The following DNAH11 variants were observed in gnomAD, a reference collection of about 807,000 sequenced individuals.
DNAH11 encodes the protein dynein axonemal heavy chain 11, also known as axonemal beta dynein heavy chain 11.
DNAH11 carries 442 observed loss-of-function variants against 526.0 expected under a neutral mutation model. That is an observed-to-expected ratio of 0.84 (90% CI 0.78 to 0.91). The LOEUF (loss-of-function observed/expected upper bound fraction) is 0.91. Among genes scored for constraint, DNAH11 ranks in the 40% least tolerant of loss-of-function variants. The probability of loss-of-function intolerance (pLI) is 0.00; values close to 1 mark genes in which losing one functional copy is unlikely to be tolerated. For synonymous variants in DNAH11, 2,461 were observed against 1,935.9 expected (o/e 1.27, Z -7.12); for missense variants, 6,989 against 5,448.7 (o/e 1.28, Z -8.90).
At chr7:21,862,619 G>C (rs939146810) in intron 69 of DNAH11, among the ~76,000 whole-genome samples, 2 of 152,094 alleles carry the variant, frequency 1.3e-5, no homozygotes, top group Non-Finnish European at 2.9e-5. Flanking sequence ...GCATCACAGT[G>C]TGCCACTTAA....
chr7:21,802,963 T>A (rs937792387), intron 62 of DNAH11, among the ~76,000 whole-genome samples: 1 of 146,886 alleles, frequency 6.8e-6, no homozygotes, highest in South Asian at 2.1e-4. Flanking sequence ...ATATATATAA[T>A]GTAGTAAAAA....
chr7:21,700,981 A>G (rs1231788389), intron 36 of DNAH11, among the ~76,000 whole-genome samples: 1 of 152,154 alleles, frequency 6.6e-6, no homozygotes, highest in Non-Finnish European at 1.5e-5. Flanking sequence ...TAGGGGAGGG[A>G]TAGCATTAGA....
At chr7:21,810,802 A>G (rs780900267) in intron 63 of DNAH11, among the ~76,000 whole-genome samples, 3 of 152,168 alleles carry the variant, frequency 2.0e-5, no homozygotes, top group South Asian at 2.1e-4. Flanking sequence ...AGAAGAGTTA[A>G]GAAATGGAAG....
At chr7:21,660,306 T>A (rs1554331348) in intron 30 of DNAH11, among the ~76,000 whole-genome samples, 1 of 152,092 alleles carries the variant, frequency 6.6e-6, no homozygotes, top group Non-Finnish European at 1.5e-5. Flanking sequence ...TAAAAATACT[T>A]GGTTAAAATA....
intron 25 of DNAH11, 67 bp downstream of exon 25, chr7:21,620,145 T>TA: frequency 7.8e-7 from 1 of 1,275,410 alleles, no homozygotes; most frequent in Middle Eastern, 2.0e-4. Context: ...ATTGTATATA[T>TA]AGGGTACCAT....
At chr7:21,733,661 T>C (rs1785484777) in intron 45 of DNAH11, among the ~76,000 whole-genome samples, 1 of 152,172 alleles carries the variant, frequency 6.6e-6, no homozygotes, top group African/African-American at 2.4e-5. Flanking sequence ...TTCCACACAG[T>C]TGTACCAAAT....
intron 8 of DNAH11, 123 bp downstream of exon 8, chr7:21,572,096 A>G (rs1477422773): frequency 1.2e-6 from 1 of 836,572 alleles, no homozygotes. Context: ...AAAAGAGGTT[A>G]CATGACTTGC....
At position 21,589,391 on chromosome 7, in the gene DNAH11, T is replaced by C; in HGVS notation, c.2157T>C (p.Asn719=). 4 of 1,600,930 alleles carry C rather than the reference T, an allele frequency of 2.5e-6. No homozygotes were observed. The highest frequency in any genetic ancestry group is 3.4e-6 in the Non-Finnish European group (4 of 1,175,266). Residue 719 remains asparagine (N), a synonymous_variant, in exon 12 of 82, where the codon AAT becomes AAC. Transcript: ENST00000409508. Reference sequence around the variant, plus strand: ...CCATAAATGGTCTTCTCTGTGTCAATTTTGACCCAAAGGTAGGGATTTGAT... The same window carrying C: ...CCATAAATGGTCTTCTCTGTGTCAACTTTGACCCAAAGGTAGGGATTTGAT... ...FSAINGLLCV[N]FDPKLVAVLR...
intron 62 of DNAH11, among the ~76,000 whole-genome samples, chr7:21,802,838 G>A (rs1351271073): frequency 6.6e-6 from 1 of 151,844 alleles, no homozygotes; most frequent in African/African-American, 2.4e-5. Flanking sequence ...GCTGGACAAG[G>A]GTGTGGGGTT....
chr7:21,724,588 G>A (rs115896505), intron 44 of DNAH11, among the ~76,000 whole-genome samples: 1,795 of 149,514 alleles, frequency 0.012, 40 homozygotes, highest in African/African-American at 0.043. Context: ...GAGTCACTGC[G>A]CCAGGTCTCC....
chr7:21,826,372 T>A lies in DNAH11; in HGVS notation c.10691+8033T>A, dbSNP rs116709356. Among the ~76,000 whole-genome samples the A allele has an allele frequency of 2.4e-3, 372 of 152,250 alleles. 2 individuals are homozygous for A. Among genetic ancestry groups the A allele is most frequent in the African/African-American group, 8.3e-3 (346 of 41,558 alleles). On this transcript the variant is annotated intron_variant, in intron 65 of 81. Transcript: ENST00000409508. ...AAAATAAAAATTAGATTGGTATGAA[T>A]AGGAATTATGTTTCTTTTTTCAATG...
chr7:21,619,038 T>C (rs1785913290), intron 23 of DNAH11, 62 bp from the exon 24 acceptor site: 1 of 1,603,734 alleles, frequency 6.2e-7, no homozygotes, highest in African/African-American at 1.3e-5. Context: ...CACCAGCCTT[T>C]AGGCAAAAGG....
intron 63 of DNAH11, among the ~76,000 whole-genome samples, chr7:21,809,109 A>G (rs1366067688): frequency 6.6e-6 from 1 of 151,964 alleles, no homozygotes; most frequent in African/African-American, 2.4e-5. Flanking sequence ...TGTGGTTTGG[A>G]TTTACATTTC....
chr7:21,780,978 G>T (rs1438614009), intron 57 of DNAH11, among the ~76,000 whole-genome samples: 2 of 152,180 alleles, frequency 1.3e-5, no homozygotes, highest in African/African-American at 4.8e-5. Context: ...AGAGAGACAT[G>T]ATGGTGGGAA....
At chr7:21,600,572 A>G (rs146441891) in intron 15 of DNAH11, 104 bp from the exon 16 acceptor site, 11 of 1,237,282 alleles carry the variant, frequency 8.9e-6, no homozygotes, top group Non-Finnish European at 1.1e-5. Context: ...TAATTTTTCT[A>G]ACTACTCTCC....
At chr7:21,898,806 A>C (rs1287304772) in intron 79 of DNAH11, among the ~76,000 whole-genome samples, 1 of 152,118 alleles carries the variant, frequency 6.6e-6, no homozygotes, top group Non-Finnish European at 1.5e-5. Flanking sequence ...TTTCCTAATT[A>C]ACCTTTTTCC....
At chr7:21,718,044 T>C (rs2128483047) in intron 43 of DNAH11, 119 bp downstream of exon 43, 2 of 1,402,834 alleles carry the variant, frequency 1.4e-6, no homozygotes, top group Non-Finnish European at 1.9e-6. Flanking sequence ...AATTGTTAGA[T>C]TGCTGCAACC....
intron 74 of DNAH11, among the ~76,000 whole-genome samples, chr7:21,875,105 T>C (rs1174739296): frequency 1.3e-5 from 2 of 152,214 alleles, no homozygotes; most frequent in Non-Finnish European, 2.9e-5. Flanking sequence ...GTAATTTTTA[T>C]CCTATATATA....
At chr7:21,594,051 TTCATACAC>T (rs1263811525) in intron 14 of DNAH11, among the ~76,000 whole-genome samples, 4 of 95,176 alleles carry the variant, frequency 4.2e-5, no homozygotes, top group Admixed American at 2.4e-4. Flanking sequence ...TGCACACTCT[TTCATACAC>T]ACATACACAC....
Sources: gnomAD v4.1 joint callset for allele counts (sites outside exome capture counted in the v4.1 genomes callset) on GRCh38, gnomAD v4.1.1 for gene constraint, MANE v1.5 for transcripts, NCBI Gene and HGNC (gene_info 2026-07-23, HGNC 2026-07-21) for gene names.